The following FRMD6 variants were observed in gnomAD, a reference collection of about 807,000 sequenced individuals.
FRMD6 encodes the protein FERM domain containing 6, also known as FERM domain-containing protein 6.
FRMD6 carries 37 observed loss-of-function variants against 73.2 expected under a neutral mutation model. The observed-to-expected ratio is 0.51, with a 90% CI of 0.39 to 0.66. The LOEUF is 0.66. Ranked by LOEUF, FRMD6 falls within the 30% of genes least tolerant of loss-of-function variation. The pLI is 0.00. For missense variants in FRMD6, 714 were observed against 780.5 expected (o/e 0.91, Z 1.02); for synonymous variants, 273 against 282.2 (o/e 0.97, Z 0.33).
chr14:51,426,691 C>G, the FRMD6 span, among the ~76,000 whole-genome samples: 1 of 152,128 alleles, frequency 6.6e-6, no homozygotes, highest in Non-Finnish European at 1.5e-5. Flanking sequence ...GGGAGTGGAA[C>G]AGAGAGTGCA....
intron 1 of FRMD6, 59 bp from the exon 2 acceptor site, chr14:51,689,630 ACG>A: frequency 1.7e-6 from 1 of 572,472 alleles, no homozygotes; most frequent in South Asian, 2.2e-5. Context: ...TATCTTCCTG[ACG>A]CGCTCTTCGC....
At chr14:51,442,894 C>T in the FRMD6 span, among the ~76,000 whole-genome samples, 38,459 of 152,090 alleles carry the variant, frequency 0.25, 5,039 homozygotes, top group Middle Eastern at 0.31. Flanking sequence ...AACAGAGTGA[C>T]GTACCATTTT....
chr14:51,614,004 A>G (rs114156958), intron 2 of FRMD6, among the ~76,000 whole-genome samples: 2,055 of 152,266 alleles, frequency 0.013, 50 homozygotes, highest in African/African-American at 0.046. Flanking sequence ...ACACACCTCA[A>G]TTGAAGCTAC....
chr14:51,410,568 A>G, the FRMD6 span, among the ~76,000 whole-genome samples: 3 of 152,250 alleles, frequency 2.0e-5, no homozygotes, highest in Admixed American at 6.5e-5. Context: ...CTTAATAAAA[A>G]TAGCTTTATT....
intron 7 of FRMD6, among the ~76,000 whole-genome samples, chr14:51,708,674 G>T (rs1449866356): frequency 1.3e-5 from 2 of 152,026 alleles, no homozygotes; most frequent in African/African-American, 4.8e-5. Context: ...AATGTTTATG[G>T]AGTCCTGTGT....
At chr14:51,661,674 A>G (rs1412684289) in intron 1 of FRMD6, among the ~76,000 whole-genome samples, 1 of 152,222 alleles carries the variant, frequency 6.6e-6, no homozygotes, top group Non-Finnish European at 1.5e-5. Context: ...TGAGAAGTCA[A>G]GCAGGGTGAA....
intron 1 of FRMD6, among the ~76,000 whole-genome samples, chr14:51,535,590 A>T (rs908740732): frequency 6.6e-6 from 1 of 152,242 alleles, no homozygotes; most frequent in African/African-American, 2.4e-5. Flanking sequence ...ATATTCCACG[A>T]TGTGGATATA....
chr14:51,518,005 A>C (rs1884730584), intron 1 of FRMD6, among the ~76,000 whole-genome samples: 1 of 152,204 alleles, frequency 6.6e-6, no homozygotes, highest in South Asian at 2.1e-4. Flanking sequence ...CAAGTATAAC[A>C]TACAAACAAT....
the FRMD6 span, among the ~76,000 whole-genome samples, chr14:51,455,285 T>G: frequency 2.6e-5 from 4 of 152,220 alleles, no homozygotes; most frequent in African/African-American, 9.6e-5. Context: ...AATTTAATTT[T>G]CCATAGAACA....
the FRMD6 span, among the ~76,000 whole-genome samples, chr14:51,402,626 A>G: frequency 6.9e-6 from 1 of 145,050 alleles, no homozygotes; most frequent in East Asian, 2.0e-4. Context: ...TCTTGGGTAT[A>G]TCTTTTTTTC....
chr14:51,710,345 C>G (rs973678560), intron 7 of FRMD6, among the ~76,000 whole-genome samples: 2 of 152,020 alleles, frequency 1.3e-5, no homozygotes, highest in African/African-American at 2.4e-5. Flanking sequence ...AGACAAAGGA[C>G]AAGGGAACAT....
chr14:51,643,087 T>C (rs1054975353), intron 2 of FRMD6, among the ~76,000 whole-genome samples: 4 of 152,208 alleles, frequency 2.6e-5, no homozygotes, highest in Non-Finnish European at 5.9e-5. Context: ...TAGAGTCAGA[T>C]TTCCTAGGTT....
At chr14:51,476,808 T>C in the FRMD6 span, among the ~76,000 whole-genome samples, 3 of 151,792 alleles carry the variant, frequency 2.0e-5, no homozygotes, top group South Asian at 2.1e-4. Flanking sequence ...CAGGAGAAAA[T>C]AGATTGGGAT....
chr14:51,616,280 A>G (rs929899321), intron 2 of FRMD6, among the ~76,000 whole-genome samples: 16 of 152,144 alleles, frequency 1.1e-4, no homozygotes, highest in Admixed American at 3.3e-4. Flanking sequence ...AGCTTTAAAA[A>G]AGTACTGATG....
At chr14:51,547,760 G>A (rs549634605) in intron 1 of FRMD6, 1 of 151,984 alleles carries the variant, frequency 6.6e-6, no homozygotes, top group East Asian at 1.9e-4. Context: ...GCCATACCAA[G>A]GAAACACCAA....
chr14:51,629,717 C>A (rs1891264541), intron 2 of FRMD6, among the ~76,000 whole-genome samples: 1 of 152,126 alleles, frequency 6.6e-6, no homozygotes, highest in South Asian at 2.1e-4. Flanking sequence ...GGGCAGGCAC[C>A]CAGGCTCTGT....
chr14:51,568,123 T>G (rs534493159), intron 1 of FRMD6, among the ~76,000 whole-genome samples: 3 of 152,376 alleles, frequency 2.0e-5, no homozygotes, highest in Admixed American at 6.5e-5. Context: ...ATGAGTTCAT[T>G]TATGTCTTTT....
intron 1 of FRMD6, among the ~76,000 whole-genome samples, chr14:51,569,967 C>T (rs1399060698): frequency 6.6e-6 from 1 of 152,074 alleles, no homozygotes; most frequent in Non-Finnish European, 1.5e-5. Flanking sequence ...AGGTGTGCGC[C>T]ACCACACTCG....
At chr14:51,595,859 A>G (rs1291601170) in intron 2 of FRMD6, among the ~76,000 whole-genome samples, 3 of 152,172 alleles carry the variant, frequency 2.0e-5, no homozygotes, top group Admixed American at 2.0e-4. Flanking sequence ...ATTGTCGATA[A>G]TTAATTAATG....
Sources: gnomAD v4.1 joint callset for allele counts (sites outside exome capture counted in the v4.1 genomes callset) on GRCh38, gnomAD v4.1.1 for gene constraint, MANE v1.5 for transcripts, NCBI Gene and HGNC (gene_info 2026-07-23, HGNC 2026-07-21) for gene names.